Variants in SRRM2 observed in about 807,000 individuals in gnomAD.
SRRM2 encodes serine/arginine repetitive matrix protein 2.
SRRM2 carries 30 observed loss-of-function variants against 213.8 expected under a neutral mutation model. That is an observed-to-expected ratio of 0.14 (90% CI 0.10 to 0.19). SRRM2 has a LOEUF of 0.19. Among genes scored for constraint, SRRM2 ranks in the 10% least tolerant of loss-of-function variants. The pLI is 1.00. For missense variants in SRRM2, 4,904 were observed against 3,647.0 expected (o/e 1.34, Z -8.88); for synonymous variants, 2,025 against 1,377.7 (o/e 1.47, Z -10.40).
At position 2,757,777 on chromosome 16, in the gene SRRM2, C is replaced by T. The variant is rs375739137; in HGVS notation, c.351-4C>T. ...CTTCAGACTTTTGCCCTTCTTTTCTCTAGGGTCACGGAGACTCACCAGTTG... is the reference window on the plus strand; with the variant it reads ...CTTCAGACTTTTGCCCTTCTTTTCTTTAGGGTCACGGAGACTCACCAGTTG... On this transcript the variant is annotated splice_polypyrimidine_tract_variant and splice_region_variant and intron_variant, in intron 3 of 14. Transcript: ENST00000301740. 5.0e-6 allele frequency: 8 copies of T among 1,613,236 alleles called. No homozygotes were observed. The African/African-American group carries it at 8.0e-5, about 16-fold the overall frequency.
At chr16:2,760,196 G>C in intron 9 of SRRM2, 105 bp from the exon 10 acceptor site, 1 of 1,127,882 alleles carries the variant, frequency 8.9e-7, no homozygotes, top group Non-Finnish European at 1.3e-6. Flanking sequence ...TTTTGGAAGA[G>C]GGTTGTCCAG....
chr16:2,752,711 G>A lies in SRRM2; in HGVS notation c.-167G>A. On this transcript the variant is annotated 5_prime_UTR_variant, in exon 1 of 15. Transcript: ENST00000301740. ...AGCCCGTTGCGGCCCCTGAGGAAGC[G>A]AGGAGGCGTCGGCGTCGGCTGAGGC... The A allele has an allele frequency of 1.1e-5, 4 of 354,460 alleles. No individual in the cohort carries two copies. Among genetic ancestry groups the A allele is most frequent in the Non-Finnish European group, 2.2e-5 (4 of 178,146 alleles). 22.0% of individuals were successfully genotyped at this position (354,460 alleles called of 1,614,324 possible).
At position 2,767,994 on chromosome 16, in the gene SRRM2, A is replaced by C; in HGVS notation, c.7466A>C (p.Asp2489Ala). The stretch of plus-strand genomic sequence containing the variant: ...GCAACGACCACGTCCTCTGCTGGTG[A>C]TCACAATGGCATGCTCTCTGTCCCT... ...AVATTTSSAG[D>A]HNGMLSVPAP... The change falls in exon 11 of 15, where the codon GAT becomes GCT. Residue 2489 changes from aspartate to alanine, a missense_variant. Physicochemically the swap from Asp to Ala is moderately radical, Grantham distance 126. Coordinates refer to ENST00000301740, the MANE Select transcript of SRRM2 (RefSeq NM_016333.4). 2 of 1,614,128 alleles carry C rather than the reference A, an allele frequency of 1.2e-6. No individual in the cohort carries two copies. The highest frequency in any genetic ancestry group is 1.6e-4 in the Middle Eastern group (1 of 6,062).
chr16:2,765,910 T>C lies in SRRM2; in HGVS notation c.5382T>C (p.Ser1794=), dbSNP rs2068524552. 4 of 1,614,100 alleles carry C rather than the reference T, an allele frequency of 2.5e-6. No homozygotes were observed. Among genetic ancestry groups the C allele is most frequent in the Non-Finnish European group, 3.4e-6 (4 of 1,180,022 alleles). The change falls in exon 11 of 15, where the codon TCT becomes TCC. Residue 1794 remains serine (S), a synonymous_variant. Coordinates refer to ENST00000301740, the MANE Select transcript of SRRM2 (RefSeq NM_016333.4). ...GACGTCGAGATAGGTCTGGATCTTC[T>C]CAGTCAACCTCTCGGCGAAGACAGC... The part of the protein sequence containing the change: ...TTRRRDRSGS[S]QSTSRRRQRS...
chr16:2,760,625 C>G (rs1489612559), intron 10 of SRRM2, 126 bp downstream of exon 10: 7 of 1,031,698 alleles, frequency 6.8e-6, no homozygotes, highest in South Asian at 4.8e-5. Flanking sequence ...TCCTGCATTT[C>G]TCTCCTAGTT....
rs1425419676 is a variant in SRRM2, at chr16:2,768,104, C to G, written c.7576C>G (p.Pro2526Ala). 7 of 1,614,056 alleles carry G rather than the reference C, an allele frequency of 4.3e-6. No individual in the cohort carries two copies. In the South Asian group the frequency reaches 6.6e-5, roughly 15 times the overall value. The change falls in exon 11 of 15, where the codon CCA (proline) becomes GCA (alanine). Residue 2526 changes from proline (P) to alanine (A), a missense_variant. Physicochemically the swap from Pro to Ala is conservative, Grantham distance 27 (BLOSUM62 -1). Coordinates refer to ENST00000301740, the MANE Select transcript of SRRM2 (RefSeq NM_016333.4). ...QQPSALAALQ[P>A]AKERRSSSSS... The stretch of plus-strand genomic sequence containing the variant: ...GCCTTCTGCATTAGCCGCCCTGCAG[C>G]CAGCAAAGGAGCGGCGGAGTTCCTC...
chr16:2,756,184 C>A, intron 1 of SRRM2, 150 bp from the exon 2 acceptor site: 2 of 797,836 alleles, frequency 2.5e-6, no homozygotes, highest in Non-Finnish European at 3.8e-6. Flanking sequence ...CTTGGGAGAC[C>A]AGGAGGATGG....
Position 2,769,269 on chromosome 16 carries a change from C to A in SRRM2, c.8006C>A (p.Pro2669His). The A allele has an allele frequency of 1.3e-6, 2 of 1,562,232 alleles. No homozygotes were observed. The highest frequency in any genetic ancestry group is 1.4e-5 in the African/African-American group (1 of 73,730). ...AAACCTGCAAGCCCCAAGAAGCCAC[C>A]CCCTGGCGAGCGGAGGTGAGTGCTG... ...LPKPASPKKP[P>H]PGERRSRSPR... The change falls in exon 12 of 15, where the codon CCC (proline) becomes CAC (histidine). Residue 2669 changes from proline (P) to histidine (H), a missense_variant. By Grantham distance (77) the Pro-to-His change is moderately conservative. Transcript: ENST00000301740.
Position 2,761,858 on chromosome 16 carries a change from G to T in SRRM2, c.1330G>T (p.Ala444Ser). 6.2e-7 allele frequency: 1 copy of T among 1,608,458 alleles called. No homozygotes were observed. Among genetic ancestry groups the T allele is most frequent in the African/African-American group, 1.4e-5 (1 of 73,570 alleles). ...CTCTTCCCCAGAAAGTCCTAAACCTGCTCCAGCTCCAGGGTCCCACCGAGA... is the reference window on the plus strand; with the variant it reads ...CTCTTCCCCAGAAAGTCCTAAACCTTCTCCAGCTCCAGGGTCCCACCGAGA... ...ASSSPESPKP[A>S]PAPGSHREIS... Residue 444 changes from alanine to serine, a missense_variant, in exon 11 of 15, where the codon GCT becomes TCT. Coordinates refer to ENST00000301740, the MANE Select transcript of SRRM2 (RefSeq NM_016333.4).
chr16:2,760,336 C>G lies in SRRM2; in HGVS notation c.869C>G (p.Ala290Gly). The stretch of plus-strand genomic sequence containing the variant: ...GCTGCAGCTAAAACTCATACAACTG[C>G]CTTGGCTGGGCGAAGTCCTTCCCCT... Reference protein sequence around the residue: ...RSAAAKTHTTALAGRSPSPAS... With the variant: ...RSAAAKTHTTGLAGRSPSPAS... The change falls in exon 10 of 15, where the codon GCC becomes GGC. Residue 290 changes from alanine to glycine, a missense_variant. Transcript: ENST00000301740. 2.5e-6 allele frequency: 4 copies of G among 1,613,958 alleles called. No individual in the cohort carries two copies. The highest frequency in any genetic ancestry group is 3.4e-6 in the Non-Finnish European group (4 of 1,180,000).
rs574378496 is a variant in SRRM2, at chr16:2,771,183, G to A, written c.*316G>A. ...GGGCCAGGGAGGCATGGCCCCACTT[G>A]TATCCAGAAGTTCCCAGGGGTGATT... On this transcript the variant is annotated 3_prime_UTR_variant, in exon 15 of 15. Coordinates refer to ENST00000301740, the MANE Select transcript of SRRM2 (RefSeq NM_016333.4). 2 of 629,698 alleles carry A rather than the reference G, an allele frequency of 3.2e-6. No homozygotes were observed. The highest frequency in any genetic ancestry group is 1.9e-5 in the South Asian group (1 of 52,034). The allele number at this position is 629,698 out of a possible 1,614,324, so 39.0% of individuals were successfully genotyped here.
In SRRM2 at chr16:2,770,281, C is replaced by T. The variant is rs373329505; in HGVS notation, c.8022-71C>T. 222 of 1,487,752 alleles carry T rather than the reference C, an allele frequency of 1.5e-4. 1 individual carries two copies. The East Asian group carries it at 4.0e-3, about 27-fold the overall frequency. The allele number at this position is 1,487,752 out of a possible 1,614,324, so 92.2% of individuals were successfully genotyped here. On this transcript the variant is annotated intron_variant, in intron 12 of 14. Transcript: ENST00000301740. ...TGAGGTTTGGTGGTCAGGACCTGGGCGGGTGGTCCTGAGTGCTGGCCCGTG... is the reference window on the plus strand; with the variant it reads ...TGAGGTTTGGTGGTCAGGACCTGGGTGGGTGGTCCTGAGTGCTGGCCCGTG...
intron 12 of SRRM2, chr16:2,770,142 CT>C: frequency 7.0e-7 from 1 of 1,430,194 alleles, no homozygotes; most frequent in Non-Finnish European, 9.2e-7. Flanking sequence ...CTGTCTTTAT[CT>C]TTGCATCCCC....
Position 2,764,766 on chromosome 16 carries a change from C to T in SRRM2, c.4238C>T (p.Thr1413Ile). The T allele has an allele frequency of 6.2e-7, 1 of 1,614,204 alleles. No homozygotes were observed. The highest frequency in any genetic ancestry group is 8.5e-7 in the Non-Finnish European group (1 of 1,180,036). Residue 1413 changes from threonine (T) to isoleucine (I), a missense_variant, in exon 11 of 15, where the codon ACA (threonine) becomes ATA (isoleucine). Physicochemically the swap from Thr to Ile is moderately conservative, Grantham distance 89. Transcript: ENST00000301740. ...CCTGTGCTTGATGCTGTACCCAGAA[C>T]ACCCTCGAGAGAAAGAAGTAGTTCT... ...SSPVLDAVPR[T>I]PSRERSSSAS...
chr16:2,759,094 C>T (rs773541132), intron 6 of SRRM2, 46 bp from the exon 7 acceptor site: 1 of 1,614,156 alleles, frequency 6.2e-7, no homozygotes, highest in Admixed American at 1.7e-5. Flanking sequence ...TTGCTGAATT[C>T]AGGCAGAGGT....
Position 2,767,102 on chromosome 16 carries a change from A to G in SRRM2, c.6574A>G (p.Thr2192Ala), listed in dbSNP as rs1331790483. The G allele has an allele frequency of 6.2e-7, 1 of 1,614,084 alleles. No homozygotes were observed. Among genetic ancestry groups the G allele is most frequent in the East Asian group, 2.2e-5 (1 of 44,878 alleles). Residue 2192 changes from threonine to alanine, a missense_variant, in exon 11 of 15, where the codon ACC (threonine) becomes GCC (alanine). Physicochemically the swap from Thr to Ala is moderately conservative, Grantham distance 58. Transcript: ENST00000301740. ...ALALTAISLG[T>A]ARPPPSMSAA... ...TGCCCTGACAGCTATCAGTCTTGGCACCGCTCGGCCTCCTCCGTCCATGTC... is the reference window on the plus strand; with the variant it reads ...TGCCCTGACAGCTATCAGTCTTGGCGCCGCTCGGCCTCCTCCGTCCATGTC...
intron 1 of SRRM2, 40 bp from the exon 2 acceptor site, chr16:2,756,294 G>T: frequency 6.8e-7 from 1 of 1,468,078 alleles, no homozygotes. Flanking sequence ...GGTTAGTTTG[G>T]GGCCAGGGGC....
At chr16:2,754,179 C>G (rs1215549533) in intron 1 of SRRM2, among the ~76,000 whole-genome samples, 2 of 152,162 alleles carry the variant, frequency 1.3e-5, no homozygotes. Flanking sequence ...TAACACACCC[C>G]TTAGATGCCG....
Position 2,766,574 on chromosome 16 carries a change from C to A in SRRM2, c.6046C>A (p.Arg2016Ser). Residue 2016 changes from arginine to serine, a missense_variant, in exon 11 of 15, where the codon CGC (arginine) becomes AGC (serine). Arg to Ser is a moderately radical substitution (Grantham distance 110). Transcript: ENST00000301740. The surrounding 1 kb of genome is among the most constrained non-coding windows in gnomAD (Gnocchi z 7.0). ...CTCTCGAACCTCACCAGTGACACGCCGCCGCTCTAGGTCCCGGACACCTCC... is the reference window on the plus strand; with the variant it reads ...CTCTCGAACCTCACCAGTGACACGCAGCCGCTCTAGGTCCCGGACACCTCC... ...SRSRTSPVTR[R>S]RSRSRTPPAI... 1 of 1,614,136 alleles carries A rather than the reference C, an allele frequency of 6.2e-7. No homozygotes were observed. The highest frequency in any genetic ancestry group is 8.5e-7 in the Non-Finnish European group (1 of 1,180,022).
Sources: allele counts gnomAD v4.1 joint callset (sites outside exome capture counted in the v4.1 genomes callset), GRCh38; gene constraint gnomAD v4.1.1; non-coding constraint Gnocchi (gnomAD v3.1); transcripts MANE v1.5; gene names NCBI Gene and HGNC (gene_info 2026-07-23, HGNC 2026-07-21).